CDYL: variants seen among roughly 807,000 people sequenced by gnomAD.
The protein encoded by CDYL is chromodomain Y like, also known as chromodomain Y-like protein.
CDYL carries 8 observed loss-of-function variants against 47.3 expected under a neutral mutation model. The ratio of observed to expected loss-of-function variants is 0.17; its 90% CI spans 0.10 to 0.31. The LOEUF (loss-of-function observed/expected upper bound fraction) is 0.31. CDYL is among the 10% of genes least tolerant of loss of function. CDYL has a pLI of 1.00. For missense variants in CDYL, 471 were observed against 701.4 expected, an observed-to-expected ratio of 0.67 and a Z score of 3.71; for synonymous variants, 266 against 265.0, an observed-to-expected ratio of 1.00 and a Z score of -0.04.
chr6:4,737,905 A>T (rs1224755613), intron 3 of CDYL, among the ~76,000 whole-genome samples: 1 of 152,270 alleles, frequency 6.6e-6, no homozygotes, highest in African/African-American at 2.4e-5. Context: ...AAAAACTTCA[A>T]CACAATAACA....
At chr6:4,726,812 GAA>G (rs1263442404) in intron 2 of CDYL, among the ~76,000 whole-genome samples, 7 of 152,074 alleles carry the variant, frequency 4.6e-5, no homozygotes, top group Admixed American at 1.3e-4. Flanking sequence ...AATGTCTCAT[GAA>G]AAGACAAGTC....
At chr6:4,897,309 T>C (rs943001984) in intron 2 of CDYL, among the ~76,000 whole-genome samples, 3 of 152,242 alleles carry the variant, frequency 2.0e-5, no homozygotes, top group African/African-American at 7.2e-5. Context: ...GATTTCATAT[T>C]GAAGCCAACA....
intron 1 of CDYL, among the ~76,000 whole-genome samples, chr6:4,707,924 GTTAT>G (rs1448815712): frequency 6.6e-6 from 1 of 150,708 alleles, no homozygotes; most frequent in Admixed American, 6.6e-5. Flanking sequence ...TAGTCCAAAT[GTTAT>G]TTAATAGTGT....
chr6:4,807,591 C>CTTTTTTTT (rs70974139), intron 1 of CDYL, among the ~76,000 whole-genome samples: 1 of 42,898 alleles, frequency 2.3e-5, no homozygotes, highest in Admixed American at 4.4e-4. Context: ...TCATTCATGT[C>CTTTTTTTT]TTTTTTTTTT....
intron 4 of CDYL, among the ~76,000 whole-genome samples, chr6:4,938,401 C>T (rs1021076628): frequency 6.6e-6 from 1 of 152,104 alleles, no homozygotes; most frequent in African/African-American, 2.4e-5. Context: ...CTTCCCCAAC[C>T]TTTTTCTGAA....
chr6:4,838,017 A>G (rs762841565), intron 1 of CDYL, among the ~76,000 whole-genome samples: 3 of 151,722 alleles, frequency 2.0e-5, no homozygotes, highest in Non-Finnish European at 2.9e-5. Context: ...GGCTCAAGCA[A>G]TCCGCTTTCC....
At position 4,943,748 on chromosome 6, in the gene CDYL, G is replaced by A; in HGVS notation, c.1324G>A (p.Gly442Arg). The change falls in exon 5 of 7, where the codon GGA becomes AGA. Residue 442 changes from glycine to arginine, a missense_variant. Coordinates refer to ENST00000397588, the MANE Select transcript of CDYL (RefSeq NM_004824.4). ...STVMFPKIMG[G>R]ASANEMLLSG... ...CGTTATGTTTCCCAAGATAATGGGA[G>A]GAGCATCTGTGAGTACCTTTTTAAA... is the stretch of plus-strand genomic sequence containing the variant. 2.5e-6 allele frequency: 4 copies of A among 1,569,076 alleles called. No individual in the cohort carries two copies. In the South Asian group the frequency reaches 4.7e-5, roughly 18 times the overall value.
intron 2 of CDYL, among the ~76,000 whole-genome samples, chr6:4,716,331 C>G (rs888361777): frequency 6.6e-6 from 1 of 152,050 alleles, no homozygotes; most frequent in Non-Finnish European, 1.5e-5. Context: ...AATACTCTAG[C>G]TGTTCGGACA....
chr6:4,810,850 C>A (rs775645565), intron 1 of CDYL, among the ~76,000 whole-genome samples: 9 of 152,264 alleles, frequency 5.9e-5, no homozygotes, highest in Middle Eastern at 6.8e-3. Flanking sequence ...ATGTATGAGA[C>A]CTAGTTATTT....
rs760989656 is a variant in CDYL at position 4,910,700 on chromosome 6, G to C, written c.691+18321G>C. Among the ~76,000 whole-genome samples the C allele has an allele frequency of 3.9e-5, 6 of 152,246 alleles. 1 individual carries two copies. On this transcript the variant is annotated intron_variant, in intron 2 of 6. Transcript: ENST00000397588. Reference sequence around the variant, plus strand: ...CTATGAAGAGGGAAAAGGTGTCTCCGTGGGCCTGGAAGGATTAGTCGGGTT... The same window carrying C: ...CTATGAAGAGGGAAAAGGTGTCTCCCTGGGCCTGGAAGGATTAGTCGGGTT...
chr6:4,765,356 A>G (rs1380518113), intron 3 of CDYL, among the ~76,000 whole-genome samples: 1 of 152,070 alleles, frequency 6.6e-6, no homozygotes, highest in Non-Finnish European at 1.5e-5. Context: ...TAACTAGAAA[A>G]TCCTTATTTT....
chr6:4,762,641 GTACC>G (rs1758192528), intron 3 of CDYL, among the ~76,000 whole-genome samples: 1 of 62,568 alleles, frequency 1.6e-5, no homozygotes, highest in Non-Finnish European at 3.0e-5. Flanking sequence ...AGATTAAAGG[GTACC>G]AAAAAAAAAA....
intron 2 of CDYL, among the ~76,000 whole-genome samples, chr6:4,914,744 G>C (rs1378092773): frequency 1.3e-5 from 2 of 152,246 alleles, no homozygotes; most frequent in Non-Finnish European, 2.9e-5. Flanking sequence ...GTTTGTGACT[G>C]GGGTGGGTTG....
chr6:4,813,036 A>T (rs750651722), intron 1 of CDYL, among the ~76,000 whole-genome samples: 37 of 152,236 alleles, frequency 2.4e-4, no homozygotes, highest in Non-Finnish European at 4.6e-4. Context: ...TAGGAAAATC[A>T]CTAAGTTTTC....
intron 1 of CDYL, among the ~76,000 whole-genome samples, chr6:4,848,406 A>G (rs1041173486): frequency 6.6e-5 from 10 of 152,174 alleles, no homozygotes; most frequent in African/African-American, 2.4e-4. Flanking sequence ...GTCCTTTCCT[A>G]GATAATCAAT....
intron 1 of CDYL, among the ~76,000 whole-genome samples, chr6:4,862,433 G>A (rs955451791): frequency 4.6e-5 from 7 of 152,070 alleles, no homozygotes; most frequent in African/African-American, 1.4e-4. Context: ...ACTTTCTTTT[G>A]TGGAGAGTAA....
intron 1 of CDYL, among the ~76,000 whole-genome samples, chr6:4,871,790 C>T (rs1473285258): frequency 6.6e-6 from 1 of 152,154 alleles, no homozygotes; most frequent in African/African-American, 2.4e-5. Flanking sequence ...TGCTAAGTAC[C>T]CCTAGTCTGT....
chr6:4,841,960 T>C (rs980244302), intron 1 of CDYL, among the ~76,000 whole-genome samples: 2 of 146,460 alleles, frequency 1.4e-5, no homozygotes, highest in African/African-American at 4.9e-5. Flanking sequence ...TGACTTTATA[T>C]TAATATTATA....
intron 3 of CDYL, among the ~76,000 whole-genome samples, chr6:4,747,125 G>A (rs576569234): frequency 1.9e-3 from 285 of 152,132 alleles, no homozygotes; most frequent in Non-Finnish European, 2.5e-3. Context: ...TGGCCAACAT[G>A]GTGAAACCCT....
Sources: gnomAD v4.1 joint callset for allele counts (sites outside exome capture counted in the v4.1 genomes callset) on GRCh38, gnomAD v4.1.1 for gene constraint, MANE v1.5 for transcripts, NCBI Gene and HGNC (gene_info 2026-07-23, HGNC 2026-07-21) for gene names.